IQGAP2: variants seen among roughly 807,000 people sequenced by gnomAD.
IQGAP2 encodes IQ motif containing GTPase activating protein 2.
In IQGAP2, 173 loss-of-function variants were observed where a neutral mutation model predicts 201.3. That is an observed-to-expected ratio of 0.86 (90% confidence interval 0.76 to 0.98). The LOEUF (loss-of-function observed/expected upper bound fraction) is 0.98. IQGAP2 is among the 50% of genes least tolerant of loss of function. The pLI, the probability that IQGAP2 is intolerant of heterozygous loss-of-function variation, is 0.00. For synonymous variants in IQGAP2, 675 were observed against 673.9 expected (o/e 1.00, Z -0.03); for missense variants, 1,687 against 1,864.8 (o/e 0.90, Z 1.76).
chr5:76,566,653 A>G (rs1415418512), intron 3 of IQGAP2, among the ~76,000 whole-genome samples: 1 of 152,116 alleles, frequency 6.6e-6, no homozygotes, highest in East Asian at 1.9e-4. Context: ...AACAAACCAG[A>G]AGGAGGATAA....
rs559271480 is a variant in IQGAP2 at position 76,598,894 on chromosome 5, G to A, written c.1071+1292G>A. Among the ~76,000 whole-genome samples the A allele has an allele frequency of 2.6e-5, 4 of 152,136 alleles. No homozygotes were observed. In the South Asian group the frequency reaches 6.2e-4, roughly 24 times the overall value. On this transcript the variant is annotated intron_variant, in intron 10 of 35. Coordinates refer to ENST00000274364, the MANE Select transcript of IQGAP2 (RefSeq NM_006633.5). The stretch of plus-strand genomic sequence containing the variant: ...GATAATGTAAAGAATGACTGGAAAA[G>A]ATATCCATACTAATATTAAGTGGGA...
intron 5 of IQGAP2, among the ~76,000 whole-genome samples, chr5:76,588,461 A>G (rs1477408635): frequency 6.6e-6 from 1 of 152,254 alleles, no homozygotes; most frequent in Non-Finnish European, 1.5e-5. Flanking sequence ...TAGAAAATGT[A>G]AAACAAATAT....
intron 2 of IQGAP2, among the ~76,000 whole-genome samples, chr5:76,546,357 C>A (rs769722654): frequency 2.6e-5 from 4 of 152,118 alleles, no homozygotes; most frequent in Non-Finnish European, 4.4e-5. Flanking sequence ...AATCCTCGAA[C>A]CTGGGAGGCA....
In IQGAP2 at chr5:76,665,113, A is replaced by G; in HGVS notation, c.2617A>G (p.Ser873Gly). ...LNNTDNQGIK[S>G]LSKERRKTLE... is the part of the protein sequence containing the mutation. Reference sequence around the variant, plus strand: ...TAACACCGACAACCAAGGAATAAAAAGTTTGAGTAAGGAGAGGAGAAAAAC... The same window carrying G: ...TAACACCGACAACCAAGGAATAAAAGGTTTGAGTAAGGAGAGGAGAAAAAC... Residue 873 changes from serine (S) to glycine (G), a missense_variant, in exon 22 of 36, where the codon AGT becomes GGT. Transcript: ENST00000274364. The G allele has an allele frequency of 6.2e-7, 1 of 1,612,514 alleles. No homozygotes were observed. The highest frequency in any genetic ancestry group is 1.1e-5 in the South Asian group (1 of 91,038).
chr5:76,617,563 G>A (rs763773916), intron 13 of IQGAP2: 2 of 1,578,504 alleles, frequency 1.3e-6, no homozygotes, highest in East Asian at 4.5e-5. Flanking sequence ...GGCTGTCCTT[G>A]TTCTCTAAGA....
intron 20 of IQGAP2, among the ~76,000 whole-genome samples, chr5:76,657,281 T>C (rs1742831802): frequency 6.6e-6 from 1 of 152,182 alleles, no homozygotes; most frequent in African/African-American, 2.4e-5. Flanking sequence ...CTTGGCTGCA[T>C]GGATGAGCGG....
intron 1 of IQGAP2, among the ~76,000 whole-genome samples, chr5:76,457,874 G>A (rs11739486): frequency 0.7 from 105,923 of 152,184 alleles, 36,803 homozygotes; most frequent in East Asian, 0.78. Flanking sequence ...ATCTGATGCT[G>A]CAAGTGGTAT....
chr5:76,680,847 G>A (rs1745219042), intron 28 of IQGAP2, among the ~76,000 whole-genome samples: 1 of 148,350 alleles, frequency 6.7e-6, no homozygotes, highest in Non-Finnish European at 1.5e-5. Flanking sequence ...GCTCACACCT[G>A]TAATCCCAGC....
At chr5:76,559,591 T>C (rs1273164221) in intron 2 of IQGAP2, among the ~76,000 whole-genome samples, 1 of 152,152 alleles carries the variant, frequency 6.6e-6, no homozygotes, top group East Asian at 1.9e-4. Flanking sequence ...GAGTCAGCCA[T>C]GTTTCTTTTA....
chr5:76,406,278 C>T (rs1258325264), intron 1 of IQGAP2, among the ~76,000 whole-genome samples: 1 of 152,198 alleles, frequency 6.6e-6, no homozygotes, highest in Non-Finnish European at 1.5e-5. Context: ...GCTGAAGTCG[C>T]CCTGATTTGC....
At chr5:76,512,740 T>C (rs1339388744) in intron 2 of IQGAP2, among the ~76,000 whole-genome samples, 3 of 152,258 alleles carry the variant, frequency 2.0e-5, no homozygotes, top group African/African-American at 7.2e-5. Context: ...ATCAACTATA[T>C]ACTATGTATG....
At chr5:76,549,844 C>T (rs1201680602) in intron 2 of IQGAP2, among the ~76,000 whole-genome samples, 1 of 152,108 alleles carries the variant, frequency 6.6e-6, no homozygotes, top group Non-Finnish European at 1.5e-5. Flanking sequence ...GCCCTGTCTT[C>T]AAATACAGTC....
intron 2 of IQGAP2, among the ~76,000 whole-genome samples, chr5:76,468,601 T>C (rs1754919296): frequency 6.6e-6 from 1 of 152,218 alleles, no homozygotes; most frequent in Non-Finnish European, 1.5e-5. Context: ...TTCATGAGTC[T>C]CTAGCCTCCT....
chr5:76,590,644 G>T, intron 8 of IQGAP2, 58 bp downstream of exon 8: 2 of 1,317,874 alleles, frequency 1.5e-6, no homozygotes. Flanking sequence ...TTACTAGTTT[G>T]AAAAGCCTTA....
chr5:76,617,442 T>A (rs1749088656), intron 13 of IQGAP2: 2 of 657,222 alleles, frequency 3.0e-6, no homozygotes, highest in Non-Finnish European at 5.1e-6. Flanking sequence ...ACAAACAAAC[T>A]ACTAATGCTT....
intron 2 of IQGAP2, among the ~76,000 whole-genome samples, chr5:76,553,617 T>A (rs1383895084): frequency 6.6e-6 from 1 of 152,240 alleles, no homozygotes; most frequent in African/African-American, 2.4e-5. Context: ...TTTTTCTTTT[T>A]CTTTTTTCTC....
At chr5:76,424,949 T>G (rs1390694783) in intron 1 of IQGAP2, among the ~76,000 whole-genome samples, 1 of 152,210 alleles carries the variant, frequency 6.6e-6, no homozygotes, top group Non-Finnish European at 1.5e-5. Flanking sequence ...TGCCCAGGCC[T>G]GGCCTTAATG....
chr5:76,637,226 G>C, intron 16 of IQGAP2, 50 bp downstream of exon 16: 1 of 1,425,556 alleles, frequency 7.0e-7, no homozygotes, highest in Non-Finnish European at 9.5e-7. Context: ...AGTTAAATTT[G>C]ACTGGTTTTC....
At chr5:76,505,319 A>ATTT (rs1757553114) in intron 2 of IQGAP2, among the ~76,000 whole-genome samples, 1 of 152,222 alleles carries the variant, frequency 6.6e-6, no homozygotes, top group East Asian at 1.9e-4. Flanking sequence ...GAAACCGTCG[A>ATTT]AACTGCAAAT....
Sources: gnomAD v4.1 joint callset for allele counts (sites outside exome capture counted in the v4.1 genomes callset) on GRCh38, gnomAD v4.1.1 for gene constraint, MANE v1.5 for transcripts, NCBI Gene and HGNC (gene_info 2026-07-23, HGNC 2026-07-21) for gene names.